INPP4B: variants seen among roughly 807,000 people sequenced by gnomAD.
INPP4B encodes the protein inositol polyphosphate-4-phosphatase type II B.
Under a neutral mutation model 122.5 loss-of-function variants are expected in INPP4B, and 55 were observed. The ratio of observed to expected loss-of-function variants is 0.45; its 90% CI spans 0.36 to 0.56. The LOEUF (loss-of-function observed/expected upper bound fraction) is 0.56. INPP4B is among the 20% of genes least tolerant of loss of function. The pLI is 0.00. For missense variants in INPP4B, 1,000 were observed against 1,097.7 expected (o/e 0.91, Z 1.26); for synonymous variants, 403 against 388.7 (o/e 1.04, Z -0.43).
chr4:142,465,845 C>T (rs928412068), intron 2 of INPP4B, among the ~76,000 whole-genome samples: 3 of 152,042 alleles, frequency 2.0e-5, no homozygotes, highest in African/African-American at 7.2e-5. Flanking sequence ...ACAGCTCCTC[C>T]CCAGCTTGCT....
chr4:142,631,013 CA>C (rs1319178643), intron 2 of INPP4B, among the ~76,000 whole-genome samples: 2 of 152,056 alleles, frequency 1.3e-5, no homozygotes, highest in East Asian at 3.9e-4. Context: ...AAAATGACAT[CA>C]TGCTAGGACT....
intron 1 of INPP4B, among the ~76,000 whole-genome samples, chr4:142,729,489 C>T (rs1478460499): frequency 6.9e-6 from 1 of 145,034 alleles, no homozygotes; most frequent in African/African-American, 2.6e-5. Context: ...ACCTTGGATC[C>T]TGATGCCTCT....
chr4:142,575,521 C>T (rs1235046188), intron 2 of INPP4B, among the ~76,000 whole-genome samples: 1 of 151,952 alleles, frequency 6.6e-6, no homozygotes, highest in Non-Finnish European at 1.5e-5. Context: ...AAAAGCTCTA[C>T]AAGGAAAAAT....
rs563523568 is a variant in INPP4B at position 142,057,147 on chromosome 4, G to C, written c.2642+24884C>G. Among the ~76,000 whole-genome samples, 6 of 152,186 alleles carry C rather than the reference G, an allele frequency of 3.9e-5. No individual in the cohort carries two copies. In the South Asian group the frequency reaches 1.2e-3, roughly 32 times the overall value. ...GGAAGTAATTACATTGGGAGAAGAT[G>C]GGAACATATAAATATCTCATCACAC... On this transcript the variant is annotated intron_variant, in intron 25 of 25. Transcript: ENST00000262992.
intron 2 of INPP4B, among the ~76,000 whole-genome samples, chr4:142,644,194 T>G (rs1254419126): frequency 2.8e-5 from 4 of 140,826 alleles, no homozygotes; most frequent in African/African-American, 1.1e-4. Flanking sequence ...AGAGTGAGAC[T>G]GTCTCAAAAA....
At chr4:142,715,018 G>C (rs1041311440) in intron 2 of INPP4B, among the ~76,000 whole-genome samples, 2 of 152,204 alleles carry the variant, frequency 1.3e-5, no homozygotes, top group Non-Finnish European at 2.9e-5. Context: ...ACCAAAGGTA[G>C]TCTTTTCATG....
Position 142,815,036 on chromosome 4 carries a change from T to C in INPP4B, c.-254+31173A>G, listed in dbSNP as rs116878499. Reference sequence around the variant, plus strand: ...ACAGTATTAAGCCATGTGGCTAATATGTACTTTTCATATGATGTGAGGAGA... The same window carrying C: ...ACAGTATTAAGCCATGTGGCTAATACGTACTTTTCATATGATGTGAGGAGA... On this transcript the variant is annotated intron_variant, in intron 1 of 25. Coordinates refer to ENST00000262992, the MANE Select transcript of INPP4B (RefSeq NM_001101669.3). Among the ~76,000 whole-genome samples, 213 of 152,282 alleles carry C rather than the reference T, an allele frequency of 1.4e-3. 6 individuals carry two copies. In the East Asian group the frequency reaches 0.038, roughly 27 times the overall value.
chr4:142,539,476 T>C (rs932293737), intron 2 of INPP4B, among the ~76,000 whole-genome samples: 2 of 152,210 alleles, frequency 1.3e-5, no homozygotes, highest in African/African-American at 4.8e-5. Context: ...ATCTAAATAT[T>C]TCATCAATGG....
At chr4:142,372,458 T>C (rs1790288185) in intron 7 of INPP4B, among the ~76,000 whole-genome samples, 1 of 152,100 alleles carries the variant, frequency 6.6e-6, no homozygotes, top group Admixed American at 6.6e-5. Context: ...GTAAATACCT[T>C]GATTTGATCA....
At chr4:142,235,546 C>A (rs946354617) in intron 12 of INPP4B, among the ~76,000 whole-genome samples, 1 of 152,030 alleles carries the variant, frequency 6.6e-6, no homozygotes, top group Admixed American at 6.5e-5. Context: ...CTCAGCCTCC[C>A]GAGTAGCTGG....
Position 142,116,851 on chromosome 4 carries a change from C to CA in INPP4B, c.2136-4170dup, listed in dbSNP as rs564288028. Among the ~76,000 whole-genome samples the CA allele has an allele frequency of 4.1e-4, 62 of 151,588 alleles. No homozygotes were observed. The East Asian group carries it at 0.011, about 28-fold the overall frequency. On this transcript the variant is annotated intron_variant, in intron 21 of 25. Transcript: ENST00000262992. ...GGAGATAGAGACACAAAAAACCGTT[C>CA]AAAAAAAGCAATGAATCCAGGAGCT... is the stretch of plus-strand genomic sequence containing the variant.
intron 22 of INPP4B, among the ~76,000 whole-genome samples, chr4:142,108,499 C>T (rs546434380): frequency 6.6e-6 from 1 of 152,258 alleles, no homozygotes; most frequent in South Asian, 2.1e-4. Context: ...CTATCCTACT[C>T]CACACCTCTG....
intron 2 of INPP4B, among the ~76,000 whole-genome samples, chr4:142,527,549 T>C (rs928675841): frequency 1.5e-4 from 23 of 152,092 alleles, no homozygotes; most frequent in Non-Finnish European, 1.8e-4. Flanking sequence ...TAAGCAACGT[T>C]AATTATAGCG....
intron 17 of INPP4B, among the ~76,000 whole-genome samples, chr4:142,158,340 T>G (rs1246901288): frequency 6.6e-6 from 1 of 152,104 alleles, no homozygotes; most frequent in African/African-American, 2.4e-5. Flanking sequence ...CTGCGATTGC[T>G]ATTTGTCTTT....
intron 3 of INPP4B, among the ~76,000 whole-genome samples, chr4:142,458,644 T>A (rs1816024691): frequency 6.6e-6 from 1 of 152,016 alleles, no homozygotes; most frequent in African/African-American, 2.4e-5. Flanking sequence ...GACAAGGCAG[T>A]AAGAAGGATA....
At chr4:142,769,480 T>C (rs925680103) in intron 1 of INPP4B, among the ~76,000 whole-genome samples, 1 of 152,212 alleles carries the variant, frequency 6.6e-6, no homozygotes, top group African/African-American at 2.4e-5. Flanking sequence ...TAATTTACTA[T>C]ATTATCGTTA....
chr4:142,391,897 T>A (rs530306782), intron 7 of INPP4B, among the ~76,000 whole-genome samples: 163 of 152,356 alleles, frequency 1.1e-3, no homozygotes, highest in African/African-American at 3.8e-3. Context: ...AATTGTCATT[T>A]TCAACGCATG....
chr4:142,782,133 T>G, intron 1 of INPP4B, among the ~76,000 whole-genome samples: 1 of 151,844 alleles, frequency 6.6e-6, no homozygotes, highest in African/African-American at 2.4e-5. Context: ...CCCTCCCCCC[T>G]TCCCACACCC....
intron 14 of INPP4B, among the ~76,000 whole-genome samples, chr4:142,200,052 C>T (rs1840002159): frequency 6.6e-6 from 1 of 151,972 alleles, no homozygotes; most frequent in South Asian, 2.1e-4. Context: ...ATTTCTCTCA[C>T]ATTATTAATT....
Sources: gnomAD v4.1 joint callset for allele counts (sites outside exome capture counted in the v4.1 genomes callset) on GRCh38, gnomAD v4.1.1 for gene constraint, MANE v1.5 for transcripts, NCBI Gene and HGNC (gene_info 2026-07-23, HGNC 2026-07-21) for gene names.